Variants in WWOX observed in about 807,000 individuals in gnomAD.
WWOX encodes WW domain containing oxidoreductase.
A neutral mutation model predicts 46.2 loss-of-function variants in WWOX; 69 were observed. That is an observed-to-expected ratio of 1.49 (90% confidence interval 1.23 to 1.82). The LOEUF is 1.82. Among genes scored for constraint, WWOX ranks in the 40% most tolerant of loss-of-function variants. The pLI is 0.00. For synonymous variants in WWOX, 359 were observed against 202.6 expected (o/e 1.77, Z -6.56); for missense variants, 919 against 542.6 (o/e 1.69, Z -6.89).
intron 8 of WWOX, among the ~76,000 whole-genome samples, chr16:78,554,560 G>T (rs961357860): frequency 6.6e-6 from 1 of 152,064 alleles, no homozygotes; most frequent in African/African-American, 2.4e-5. Flanking sequence ...TACATATATT[G>T]TATGATACAT....
chr16:78,625,346 C>G (rs1240864005), intron 8 of WWOX, among the ~76,000 whole-genome samples: 1 of 152,174 alleles, frequency 6.6e-6, no homozygotes, highest in Non-Finnish European at 1.5e-5. Flanking sequence ...CCAGCGTGTT[C>G]CATTTGAGGG....
At chr16:79,083,279 C>T (rs2048794433) in intron 8 of WWOX, among the ~76,000 whole-genome samples, 1 of 152,116 alleles carries the variant, frequency 6.6e-6, no homozygotes, top group Admixed American at 6.6e-5. Flanking sequence ...AGTGACACTT[C>T]CAGATGGAAA....
chr16:78,486,634 G>A (rs927426915), intron 8 of WWOX, among the ~76,000 whole-genome samples: 29 of 151,268 alleles, frequency 1.9e-4, no homozygotes, highest in African/African-American at 7.1e-4. Flanking sequence ...GAGTGTAGTG[G>A]TGTGATCTCC....
chr16:79,057,492 A>T lies in WWOX; in HGVS notation c.1057-154116A>T, dbSNP rs555008863. ...GAGTCTTTCTGTAAAGACCATTATTATTTCTGTTATATTTCCTGTGGCTGA... is the reference window on the plus strand; with the variant it reads ...GAGTCTTTCTGTAAAGACCATTATTTTTTCTGTTATATTTCCTGTGGCTGA... On this transcript the variant is annotated intron_variant, in intron 8 of 8. Transcript: ENST00000566780. Among the ~76,000 whole-genome samples, 16 of 152,196 alleles carry T rather than the reference A, an allele frequency of 1.1e-4. No individual in the cohort carries two copies. The East Asian group carries it at 3.1e-3, about 29-fold the overall frequency.
At chr16:78,180,654 C>G (rs1364376903) in intron 5 of WWOX, among the ~76,000 whole-genome samples, 1 of 151,844 alleles carries the variant, frequency 6.6e-6, no homozygotes, top group Admixed American at 6.6e-5. Context: ...GTGGGTAAAC[C>G]CAGCCGCACC....
intron 8 of WWOX, among the ~76,000 whole-genome samples, chr16:78,471,857 T>G (rs1404233303): frequency 6.6e-6 from 1 of 152,242 alleles, no homozygotes; most frequent in Non-Finnish European, 1.5e-5. Flanking sequence ...ACTTTTACAT[T>G]TTAATGTACC....
At chr16:78,924,700 A>G (rs1224824795) in intron 8 of WWOX, among the ~76,000 whole-genome samples, 1 of 152,234 alleles carries the variant, frequency 6.6e-6, no homozygotes, top group Non-Finnish European at 1.5e-5. Context: ...GAGAGTAACC[A>G]TTAATACCTT....
chr16:78,665,734 T>C (rs978662910), intron 8 of WWOX, among the ~76,000 whole-genome samples: 2 of 152,078 alleles, frequency 1.3e-5, no homozygotes, highest in African/African-American at 2.4e-5. Context: ...GCCCAGGCTG[T>C]AGTGTAGTGA....
intron 8 of WWOX, among the ~76,000 whole-genome samples, chr16:78,985,659 C>T (rs1318620170): frequency 6.6e-6 from 1 of 152,194 alleles, no homozygotes; most frequent in African/African-American, 2.4e-5. Flanking sequence ...GTCCCAGCTA[C>T]TCAGGAGGCT....
At chr16:78,855,600 A>G (rs1344838403) in intron 8 of WWOX, among the ~76,000 whole-genome samples, 1 of 152,206 alleles carries the variant, frequency 6.6e-6, no homozygotes, top group Non-Finnish European at 1.5e-5. Context: ...TCAGAGCTGT[A>G]GCCCATCAGA....
intron 8 of WWOX, among the ~76,000 whole-genome samples, chr16:79,074,144 G>T (rs1390259892): frequency 2.6e-5 from 4 of 152,084 alleles, no homozygotes; most frequent in Non-Finnish European, 5.9e-5. Context: ...AAAGCAGTTA[G>T]AGTTCGAGCA....
intron 8 of WWOX, among the ~76,000 whole-genome samples, chr16:78,575,651 C>T (rs1160810402): frequency 1.3e-5 from 2 of 152,132 alleles, no homozygotes; most frequent in Non-Finnish European, 2.9e-5. Flanking sequence ...GACCATGATA[C>T]AGTTTTGAAA....
chr16:78,593,239 T>C (rs1332808121), intron 8 of WWOX, among the ~76,000 whole-genome samples: 1 of 151,886 alleles, frequency 6.6e-6, no homozygotes, highest in East Asian at 1.9e-4. Flanking sequence ...TGGGATTTCA[T>C]TATATTGCCC....
At chr16:78,248,976 C>T (rs969905205) in intron 5 of WWOX, among the ~76,000 whole-genome samples, 2 of 151,072 alleles carry the variant, frequency 1.3e-5, no homozygotes, top group East Asian at 2.0e-4. Context: ...CCTGCCTCAG[C>T]CTCCGGAGCA....
chr16:78,440,059 A>T (rs1441201367), intron 8 of WWOX, among the ~76,000 whole-genome samples: 1 of 152,226 alleles, frequency 6.6e-6, no homozygotes, highest in Non-Finnish European at 1.5e-5. Context: ...AGAAAAGTGC[A>T]TAACTGGCTT....
intron 8 of WWOX, among the ~76,000 whole-genome samples, chr16:78,714,677 A>C (rs572167112): frequency 2.6e-5 from 4 of 152,310 alleles, no homozygotes; most frequent in African/African-American, 9.6e-5. Context: ...TCTGGTAGTA[A>C]GAAGCAGTGT....
chr16:79,098,806 C>A (rs1238066739), intron 8 of WWOX, among the ~76,000 whole-genome samples: 1 of 152,168 alleles, frequency 6.6e-6, no homozygotes, highest in Non-Finnish European at 1.5e-5. Context: ...GAAAAATGTA[C>A]ATTCTCCTTT....
intron 6 of WWOX, among the ~76,000 whole-genome samples, chr16:78,388,520 A>C (rs532146099): frequency 1.3e-5 from 2 of 151,708 alleles, no homozygotes; most frequent in Admixed American, 6.6e-5. Flanking sequence ...AGTGGTGCAC[A>C]CCTCTAGTCC....
At chr16:78,868,433 T>C (rs1304645057) in intron 8 of WWOX, among the ~76,000 whole-genome samples, 1 of 151,878 alleles carries the variant, frequency 6.6e-6, no homozygotes, top group Admixed American at 6.6e-5. Context: ...AAGAAAATGT[T>C]CTAGGACAAG....
Sources: allele counts gnomAD v4.1 joint callset (sites outside exome capture counted in the v4.1 genomes callset), GRCh38; gene constraint gnomAD v4.1.1; transcripts MANE v1.5; gene names NCBI Gene and HGNC (gene_info 2026-07-23, HGNC 2026-07-21).